Variants in CSPG5 observed in about 807,000 individuals in gnomAD.
CSPG5 encodes the protein chondroitin sulfate proteoglycan 5, also known as acidic leucine-rich EGF-like domain-containing brain protein.
In CSPG5, 25 loss-of-function variants were observed where a neutral mutation model predicts 39.8. The observed-to-expected ratio is 0.63, with a 90% confidence interval of 0.46 to 0.88. The LOEUF (loss-of-function observed/expected upper bound fraction) is 0.88. Among genes scored for constraint, CSPG5 ranks in the 40% least tolerant of loss-of-function variants. The probability of loss-of-function intolerance (pLI) is 0.00; values close to 1 mark genes in which losing one functional copy is unlikely to be tolerated. For missense variants in CSPG5, 627 were observed against 702.2 expected (o/e 0.89, Z 1.21); for synonymous variants, 295 against 303.9 (o/e 0.97, Z 0.31).
chr3:47,576,457 T>A (rs1178871912), intron 2 of CSPG5, among the ~76,000 whole-genome samples: 1 of 137,998 alleles, frequency 7.2e-6, no homozygotes, highest in African/African-American at 2.5e-5. Context: ...CTCTGTTTTG[T>A]TTTGTTTTTT....
rs571133705 is a variant in CSPG5 at position 47,572,630 on chromosome 3, G to A, written c.1382+56C>T. On this transcript the variant is annotated intron_variant, in intron 3 of 4. Transcript: ENST00000264723. This position sits in a 1 kb window ranked among gnomAD's most constrained non-coding sequence, Gnocchi z 4.5. Reference sequence around the variant, plus strand: ...GGATCAGTTGGAGGGGTGCAGCAGCGTCGGGGGGCCTCCCACACCCTGACC... The same window carrying A: ...GGATCAGTTGGAGGGGTGCAGCAGCATCGGGGGGCCTCCCACACCCTGACC... 63 of 1,486,862 alleles carry A rather than the reference G, an allele frequency of 4.2e-5. 1 individual carries two copies. Among genetic ancestry groups the A allele is most frequent in the South Asian group, 4.7e-5 (4 of 85,776 alleles). 92.1% of individuals were successfully genotyped at this position (1,486,862 alleles called of 1,614,324 possible). A position where few individuals can be genotyped will look rare whatever the true frequency, so the allele number is the denominator to read the frequency against.
Position 47,572,818 on chromosome 3 carries a change from G to T in CSPG5, c.1250C>A (p.Thr417Asn). 6.2e-7 allele frequency: 1 copy of T among 1,614,100 alleles called. No individual in the cohort carries two copies. Among genetic ancestry groups the T allele is most frequent in the Admixed American group, 1.7e-5 (1 of 60,016 alleles). Reference protein sequence around the residue: ...HKGMRCESIITDFQVMCVAVG... With the variant: ...HKGMRCESIINDFQVMCVAVG... ...GGCCACGCACATCACCTGGAAGTCG[G>T]TGATGATGGACTCGCAGCGCATCCC... Residue 417 changes from threonine to asparagine, a missense_variant, in exon 3 of 5, where the codon ACC (threonine) becomes AAC (asparagine). By Grantham distance (65) the Thr-to-Asn change is moderately conservative. Transcript: ENST00000264723. This position sits in a 1 kb window ranked among gnomAD's most constrained non-coding sequence, Gnocchi z 4.5.
At position 47,576,810 on chromosome 3, in the gene CSPG5, G is replaced by T. The variant is rs768426411; in HGVS notation, c.1193+23C>A. The T allele has an allele frequency of 2.6e-6, 4 of 1,534,606 alleles. No homozygotes were observed. The South Asian group carries it at 5.1e-5, about 20-fold the overall frequency. Reference sequence around the variant, plus strand: ...CACATACACTCTTCAGTGTCCCTATGCACCTGCCTGCCATGCCCTTACCTG... The same window carrying T: ...CACATACACTCTTCAGTGTCCCTATTCACCTGCCTGCCATGCCCTTACCTG... On this transcript the variant is annotated intron_variant, in intron 2 of 4. Coordinates refer to ENST00000264723, the MANE Select transcript of CSPG5 (RefSeq NM_006574.4).
intron 2 of CSPG5, 78 bp downstream of exon 2, chr3:47,576,755 C>T (rs2031753874): frequency 5.2e-5 from 76 of 1,475,350 alleles, no homozygotes; most frequent in Non-Finnish European, 6.8e-5. Context: ...CCAACGCGCC[C>T]GGCTACGCTG....
chr3:47,574,360 A>G (rs1329245812), intron 2 of CSPG5, among the ~76,000 whole-genome samples: 1 of 152,194 alleles, frequency 6.6e-6, no homozygotes, highest in Non-Finnish European at 1.5e-5. Context: ...CCAGGCCTCC[A>G]ATAGGATGAA....
rs2031119656 is a variant in CSPG5 at position 47,562,512 on chromosome 3, A to T, written c.*88T>A. 2 of 1,256,288 alleles carry T rather than the reference A, an allele frequency of 1.6e-6. No individual in the cohort carries two copies. Among genetic ancestry groups the T allele is most frequent in the South Asian group, 1.6e-5 (1 of 61,054 alleles). 77.8% of individuals were successfully genotyped at this position (1,256,288 alleles called of 1,614,324 possible). A position where few individuals can be genotyped will look rare whatever the true frequency, so the allele number is the denominator to read the frequency against. Reference sequence around the variant, plus strand: ...AAAGAAAAGAGTTTAACAAATGGTTACAAGAAATAGACTCTGTACAAGAGG... The same window carrying T: ...AAAGAAAAGAGTTTAACAAATGGTTTCAAGAAATAGACTCTGTACAAGAGG... On this transcript the variant is annotated 3_prime_UTR_variant, in exon 5 of 5. Coordinates refer to ENST00000264723, the MANE Select transcript of CSPG5 (RefSeq NM_006574.4).
Position 47,578,230 on chromosome 3 carries a change from C to T in CSPG5, c.98-302G>A. The T allele has an allele frequency of 2.9e-6, 1 of 339,658 alleles. No individual in the cohort carries two copies. Among genetic ancestry groups the T allele is most frequent in the Non-Finnish European group, 5.2e-6 (1 of 192,478 alleles). The allele number at this position is 339,658 out of a possible 1,614,324, so 21.0% of individuals were successfully genotyped here. On this transcript the variant is annotated intron_variant, in intron 1 of 4. Coordinates refer to ENST00000264723, the MANE Select transcript of CSPG5 (RefSeq NM_006574.4). The surrounding 1 kb of genome is among the most constrained non-coding windows in gnomAD (Gnocchi z 6.0). ...CCCAGCTCGGCCCACCCATAAGTCT[C>T]ACCCTCGGGAACCCACCCTGAGCCG... is the stretch of plus-strand genomic sequence containing the variant.
chr3:47,562,856 T>C (rs1410094533), intron 4 of CSPG5, 95 bp from the exon 5 acceptor site: 14 of 1,286,580 alleles, frequency 1.1e-5, no homozygotes, highest in African/African-American at 3.0e-5. Flanking sequence ...GAAGCATCAC[T>C]GAAACAAGGA....
chr3:47,564,497 A>G (rs2031215118), intron 4 of CSPG5, among the ~76,000 whole-genome samples: 2 of 152,198 alleles, frequency 1.3e-5, no homozygotes, highest in African/African-American at 4.8e-5. Flanking sequence ...TGATTTATAG[A>G]CAGGGGAACA....
chr3:47,569,526 C>T (rs1181309707), intron 3 of CSPG5, among the ~76,000 whole-genome samples: 1 of 151,800 alleles, frequency 6.6e-6, no homozygotes, highest in African/African-American at 2.4e-5. Context: ...ATTGTTTGAA[C>T]CCAGGAGGCG....
chr3:47,565,558 C>A (rs1284771770), intron 4 of CSPG5, among the ~76,000 whole-genome samples: 2 of 152,126 alleles, frequency 1.3e-5, no homozygotes, highest in Non-Finnish European at 2.9e-5. Flanking sequence ...CACCCTTCAA[C>A]CCAGGGGTCA....
At chr3:47,576,070 G>GA (rs1355843774) in intron 2 of CSPG5, among the ~76,000 whole-genome samples, 1 of 151,954 alleles carries the variant, frequency 6.6e-6, no homozygotes, top group Non-Finnish European at 1.5e-5. Context: ...GAGTAGCTGG[G>GA]ATTACAGGCA....
chr3:47,571,637 C>T (rs543376627), intron 3 of CSPG5, among the ~76,000 whole-genome samples: 31 of 152,252 alleles, frequency 2.0e-4, no homozygotes, highest in Non-Finnish European at 4.0e-4. Context: ...GGCATCTGTA[C>T]ATTGCATGAG....
chr3:47,563,805 C>T (rs1576367155), intron 4 of CSPG5, among the ~76,000 whole-genome samples: 1 of 152,166 alleles, frequency 6.6e-6, no homozygotes, highest in East Asian at 1.9e-4. Flanking sequence ...CCACCCACCT[C>T]GGCCTCCCAA....
rs779987003 is a variant in CSPG5 at position 47,572,884 on chromosome 3, C to T, written c.1194-10G>A. On this transcript the variant is annotated splice_polypyrimidine_tract_variant and intron_variant, in intron 2 of 4. Coordinates refer to ENST00000264723, the MANE Select transcript of CSPG5 (RefSeq NM_006574.4). The surrounding 1 kb of genome is among the most constrained non-coding windows in gnomAD (Gnocchi z 4.5). Reference sequence around the variant, plus strand: ...GTCCTGCGTGTTGCACCTGCAGCAGCGACATTGAGAAACCGTGGCGATGGA... The same window carrying T: ...GTCCTGCGTGTTGCACCTGCAGCAGTGACATTGAGAAACCGTGGCGATGGA... 11 of 1,599,470 alleles carry T rather than the reference C, an allele frequency of 6.9e-6. No homozygotes were observed. Among genetic ancestry groups the T allele is most frequent in the African/African-American group, 2.7e-5 (2 of 74,534 alleles).
intron 2 of CSPG5, among the ~76,000 whole-genome samples, chr3:47,573,300 C>A (rs2031593478): frequency 1.3e-5 from 2 of 152,352 alleles, no homozygotes; most frequent in East Asian, 3.9e-4. Flanking sequence ...GCTACAGCTA[C>A]AAAGTCCCAG....
intron 4 of CSPG5, among the ~76,000 whole-genome samples, chr3:47,567,775 G>C (rs1049612587): frequency 6.6e-6 from 1 of 152,210 alleles, no homozygotes; most frequent in Non-Finnish European, 1.5e-5. Flanking sequence ...ACTTTGGGAG[G>C]CTGCGGCAGG....
At chr3:47,563,802 C>A (rs1052314260) in intron 4 of CSPG5, among the ~76,000 whole-genome samples, 5 of 152,198 alleles carry the variant, frequency 3.3e-5, no homozygotes, top group Admixed American at 6.5e-5. Context: ...GATCCACCCA[C>A]CTCGGCCTCC....
chr3:47,569,198 T>C lies in CSPG5; in HGVS notation c.1412A>G (p.Asn471Ser), dbSNP rs2031432819. ...AATGGTGGAGAGGGAGAAGTTATCA[T>C]TGTGGAGCTCAGATGGGGTCCGGAA... ...NKFRTPSELHNDNFSLSTIAE... is the reference protein window; with the variant it reads ...NKFRTPSELHSDNFSLSTIAE... The change falls in exon 4 of 5, where the codon AAT becomes AGT. Residue 471 changes from asparagine to serine, a missense_variant. Asn to Ser is a conservative substitution (Grantham distance 46). Transcript: ENST00000264723. 6.2e-7 allele frequency: 1 copy of C among 1,613,388 alleles called. No individual in the cohort carries two copies. The highest frequency in any genetic ancestry group is 8.5e-7 in the Non-Finnish European group (1 of 1,179,678).
Sources: allele counts gnomAD v4.1 joint callset (sites outside exome capture counted in the v4.1 genomes callset), GRCh38; gene constraint gnomAD v4.1.1; non-coding constraint Gnocchi (gnomAD v3.1); transcripts MANE v1.5; gene names NCBI Gene and HGNC (gene_info 2026-07-23, HGNC 2026-07-21).